Variants in DNAJC13 observed in about 807,000 individuals in gnomAD.
DNAJC13 encodes the protein DnaJ heat shock protein family (Hsp40) member C13, also known as dnaJ homolog subfamily C member 13.
In DNAJC13, 75 loss-of-function variants were observed where a neutral mutation model predicts 290.5. The observed-to-expected ratio is 0.26, with a 90% CI of 0.21 to 0.31. The LOEUF is 0.31. Ranked by LOEUF, DNAJC13 falls within the 10% of genes least tolerant of loss-of-function variation. The pLI, the probability that DNAJC13 is intolerant of heterozygous loss-of-function variation, is 1.00. For missense variants in DNAJC13, 2,260 were observed against 2,674.5 expected (o/e 0.85, Z 3.42); for synonymous variants, 862 against 892.0 (o/e 0.97, Z 0.60).
In DNAJC13 at chr3:132,507,104, G is replaced by C. The variant is rs1409206327; in HGVS notation, c.4999-133G>C. The C allele has an allele frequency of 5.4e-6, 3 of 551,174 alleles. No individual in the cohort carries two copies. In the African/African-American group the frequency reaches 5.8e-5, roughly 11 times the overall value. The allele number at this position is 551,174 out of a possible 1,614,324, so 34.1% of individuals were successfully genotyped here. A position where few individuals can be genotyped will look rare whatever the true frequency, so the allele number is the denominator to read the frequency against. On this transcript the variant is annotated intron_variant, in intron 42 of 55. Transcript: ENST00000260818. ...TGCCTATTCCAAAGTCTTTTTAAGTGCTGTGACATGTATCACACCACATTT... is the reference window on the plus strand; with the variant it reads ...TGCCTATTCCAAAGTCTTTTTAAGTCCTGTGACATGTATCACACCACATTT...
intron 31 of DNAJC13, among the ~76,000 whole-genome samples, chr3:132,490,649 T>G (rs1184620321): frequency 1.3e-5 from 2 of 152,182 alleles, no homozygotes; most frequent in South Asian, 2.1e-4. Flanking sequence ...TTGTGACACT[T>G]AAAGCTAAGA....
At position 132,480,392 on chromosome 3, in the gene DNAJC13, T is replaced by A. The variant is rs1353790986; in HGVS notation, c.2796T>A (p.Asp932Glu). ...AGAAAAATGTTAAGGATCTCATGGATTCAAATGGAATAAGAATCCTTGTGG... is the reference window on the plus strand; with the variant it reads ...AGAAAAATGTTAAGGATCTCATGGAATCAAATGGAATAAGAATCCTTGTGG... ...LNKKNVKDLM[D>E]SNGIRILVDL... Residue 932 changes from aspartate (D) to glutamate (E), a missense_variant, in exon 26 of 56, where the codon GAT becomes GAA. Coordinates refer to ENST00000260818, the MANE Select transcript of DNAJC13 (RefSeq NM_015268.4). 4 of 1,613,180 alleles carry A rather than the reference T, an allele frequency of 2.5e-6. No individual in the cohort carries two copies. In the Admixed American group the frequency reaches 5.0e-5, roughly 20 times the overall value.
intron 1 of DNAJC13, among the ~76,000 whole-genome samples, chr3:132,430,860 A>C (rs1939222476): frequency 6.6e-6 from 1 of 152,212 alleles, no homozygotes; most frequent in African/African-American, 2.4e-5. Context: ...TGCTTTGGTC[A>C]TCCCAGGTAT....
intron 9 of DNAJC13, 31 bp from the exon 10 acceptor site, chr3:132,456,204 A>G (rs1299703811): frequency 1.9e-6 from 3 of 1,603,112 alleles, no homozygotes; most frequent in Non-Finnish European, 2.6e-6. Context: ...CATCAATGCT[A>G]AAACCTTTTT....
Position 132,466,322 on chromosome 3 carries a change from G to C in DNAJC13, c.1992G>C (p.Leu664Phe). The C allele has an allele frequency of 6.3e-7, 1 of 1,592,442 alleles. No homozygotes were observed. The change falls in exon 19 of 56, where the codon TTG becomes TTC. Residue 664 changes from leucine (L) to phenylalanine (F), a missense_variant. Physicochemically the swap from Leu to Phe is conservative, Grantham distance 22. Coordinates refer to ENST00000260818, the MANE Select transcript of DNAJC13 (RefSeq NM_015268.4). The part of the protein sequence containing the change: ...RILPPGLLAY[L>F]ESSDLVPEKD... ...AGCCGCCAGGCTTGCTGGCATACTT[G>C]GAAAGCTCAGATCTCGTACCTGAGA...
chr3:132,502,088 C>T (rs936292347), intron 39 of DNAJC13, among the ~76,000 whole-genome samples: 5 of 152,026 alleles, frequency 3.3e-5, no homozygotes, highest in Non-Finnish European at 5.9e-5. Context: ...TCTGGTATCT[C>T]GTCATGAGGT....
intron 55 of DNAJC13, chr3:132,537,095 T>G: frequency 2.2e-6 from 1 of 456,134 alleles, no homozygotes; most frequent in Non-Finnish European, 4.4e-6. Flanking sequence ...TTCATCAAAC[T>G]ACTCTGCTGT....
Position 132,462,643 on chromosome 3 carries a change from G to T in DNAJC13, c.1770+120G>T, listed in dbSNP as rs901027112. The T allele has an allele frequency of 2.2e-5, 14 of 639,290 alleles. No individual in the cohort carries two copies. In the South Asian group the frequency reaches 3.6e-4, roughly 16 times the overall value. The allele number at this position is 639,290 out of a possible 1,614,324, so 39.6% of individuals were successfully genotyped here. On this transcript the variant is annotated intron_variant, in intron 16 of 55. Coordinates refer to ENST00000260818, the MANE Select transcript of DNAJC13 (RefSeq NM_015268.4). ...ATAAACATTTCTCTGGGTAAGAAAA[G>T]TAATTTTAAATCTTTATTATAAATT...
rs569280440 is a variant in DNAJC13 at position 132,453,414 on chromosome 3, T to C, written c.654T>C (p.Tyr218=). ...IRKEPLEFEQ[Y]LNLRFGKYST... ...AAGAGCCTTTAGAATTCGAGCAATA[T>C]TTGAATCTTCGCTTTGGAAAATACA... is the stretch of plus-strand genomic sequence containing the variant. Residue 218 remains tyrosine, a synonymous_variant, in exon 7 of 56, where the codon TAT becomes TAC. Transcript: ENST00000260818. The C allele has an allele frequency of 1.9e-6, 3 of 1,613,982 alleles. No homozygotes were observed. The Admixed American group carries it at 5.0e-5, about 27-fold the overall frequency.
In DNAJC13 at chr3:132,478,140, G is replaced by A; in HGVS notation, c.2709G>A (p.Arg903=). 1 of 1,597,408 alleles carries A rather than the reference G, an allele frequency of 6.3e-7. No individual in the cohort carries two copies. Among genetic ancestry groups the A allele is most frequent in the Non-Finnish European group, 8.5e-7 (1 of 1,175,104 alleles). ...GATATATCATTGGAATGTTAGAGAG[G>A]GTAAGGATATCATTTAAGGAAATTA... ...DTRYIIGMLE[R]CTDKLERDRL... is the part of the protein sequence containing the mutation. Residue 903 remains arginine, a splice_region_variant and synonymous_variant, in exon 24 of 56, where the codon AGG becomes AGA. Transcript: ENST00000260818.
chr3:132,480,463 C>T lies in DNAJC13; in HGVS notation c.2867C>T (p.Pro956Leu). The change falls in exon 26 of 56, where the codon CCA (proline) becomes CTA (leucine). Residue 956 changes from proline to leucine, a missense_variant. Transcript: ENST00000260818. The stretch of plus-strand genomic sequence containing the variant: ...CTCCATGTAAGCCGAGCTACAGTAC[C>T]ACTGCAAGTACGTATCCTTGTTTAC... ...AHLHVSRATV[P>L]LQSNVIEAAP... 2.5e-6 allele frequency: 4 copies of T among 1,607,532 alleles called. No individual in the cohort carries two copies. Among genetic ancestry groups the T allele is most frequent in the Non-Finnish European group, 3.4e-6 (4 of 1,175,002 alleles).
chr3:132,476,471 C>G (rs1006167830), intron 22 of DNAJC13, among the ~76,000 whole-genome samples: 2 of 152,152 alleles, frequency 1.3e-5, no homozygotes, highest in African/African-American at 4.8e-5. Flanking sequence ...ACTCTTGCCT[C>G]CCTGGAATCT....
At chr3:132,421,418 A>T (rs1938955632) in intron 1 of DNAJC13, among the ~76,000 whole-genome samples, 1 of 152,168 alleles carries the variant, frequency 6.6e-6, no homozygotes, top group African/African-American at 2.4e-5. Context: ...TACACAAAGG[A>T]CGTGTCAGAG....
At chr3:132,520,512 C>A (rs1044818153) in intron 48 of DNAJC13, among the ~76,000 whole-genome samples, 2 of 152,106 alleles carry the variant, frequency 1.3e-5, no homozygotes, top group Non-Finnish European at 2.9e-5. Context: ...TTTAATACTG[C>A]TTTTTACAGA....
Position 132,500,806 on chromosome 3 carries a change from A to C in DNAJC13, c.4429A>C (p.Ile1477Leu). Residue 1477 changes from isoleucine (I) to leucine (L), a missense_variant, in exon 39 of 56, where the codon ATA (isoleucine) becomes CTA (leucine). Around this residue, in one of 3 missense-constraint regions of DNAJC13, gnomAD observed 1,494 missense variants for 1,693.7 expected, o/e 0.88. Transcript: ENST00000260818. ...GTGTTGTCTGCAGGTGTGTGGATAC[A>C]TAAGTAAATGCTACAGTGTGGCTGC... ...SDMSVQVCGYISKCYSVAAQF... is the reference protein window; with the variant it reads ...SDMSVQVCGYLSKCYSVAAQF... The C allele has an allele frequency of 1.2e-6, 2 of 1,613,976 alleles. No homozygotes were observed. Among genetic ancestry groups the C allele is most frequent in the Non-Finnish European group, 1.7e-6 (2 of 1,179,894 alleles).
At chr3:132,418,199 C>T (rs1430506383) in intron 1 of DNAJC13, among the ~76,000 whole-genome samples, 1 of 152,198 alleles carries the variant, frequency 6.6e-6, no homozygotes, top group Non-Finnish European at 1.5e-5. Context: ...TGCAGACTGA[C>T]TTTCTTTGCT....
Position 132,480,364 on chromosome 3 carries a change from T to A in DNAJC13, c.2773-5T>A. The stretch of plus-strand genomic sequence containing the variant: ...GATTACGAAAAAAATGTTTTCCTCT[T>A]CCAGAAAAATGTTAAGGATCTCATG... On this transcript the variant is annotated splice_polypyrimidine_tract_variant and splice_region_variant and intron_variant, in intron 25 of 55. Coordinates refer to ENST00000260818, the MANE Select transcript of DNAJC13 (RefSeq NM_015268.4). 6.2e-7 allele frequency: 1 copy of A among 1,607,436 alleles called. No homozygotes were observed. The highest frequency in any genetic ancestry group is 1.1e-5 in the South Asian group (1 of 90,758).
intron 25 of DNAJC13, among the ~76,000 whole-genome samples, chr3:132,479,744 G>A (rs1046058557): frequency 6.6e-6 from 1 of 151,954 alleles, no homozygotes; most frequent in Non-Finnish European, 1.5e-5. Flanking sequence ...ATTTTAATAG[G>A]TTCATGCTCA....
Position 132,492,685 on chromosome 3 carries a change from G to C in DNAJC13, c.3825+70G>C. The C allele has an allele frequency of 1.1e-5, 15 of 1,374,206 alleles. 1 individual carries two copies. The South Asian group carries it at 1.7e-4, about 16-fold the overall frequency. 85.1% of individuals were successfully genotyped at this position (1,374,206 alleles called of 1,614,324 possible). A position where few individuals can be genotyped will look rare whatever the true frequency, so the allele number is the denominator to read the frequency against. On this transcript the variant is annotated intron_variant, in intron 33 of 55. Transcript: ENST00000260818. ...GCCTCTAAACACTTCTGGGTATTTT[G>C]TCCTCCTGCAGTAAGATGGTTAATA...
Sources: gnomAD v4.1 joint callset for allele counts (sites outside exome capture counted in the v4.1 genomes callset) on GRCh38, gnomAD v4.1.1 for gene constraint, gnomAD v4.1.1 regional missense constraint, MANE v1.5 for transcripts, NCBI Gene and HGNC (gene_info 2026-07-23, HGNC 2026-07-21) for gene names.